WWOX: variants seen among roughly 807,000 people sequenced by gnomAD.
WWOX encodes the protein WW domain containing oxidoreductase, also known as WW domain-containing oxidoreductase.
Under a neutral mutation model 46.2 loss-of-function variants are expected in WWOX, and 69 were observed. That is an observed-to-expected ratio of 1.49 (90% CI 1.23 to 1.82). The LOEUF (loss-of-function observed/expected upper bound fraction) is 1.82, where lower values mean the gene tolerates loss of function less well. WWOX is among the 40% of genes most tolerant of loss of function. The pLI is 0.00. For missense variants in WWOX, 919 were observed against 542.6 expected (o/e 1.69, Z -6.89); for synonymous variants, 359 against 202.6 (o/e 1.77, Z -6.56).
chr16:78,595,897 T>C (rs954308229), intron 8 of WWOX, among the ~76,000 whole-genome samples: 16 of 152,326 alleles, frequency 1.1e-4, no homozygotes, highest in African/African-American at 3.6e-4. Context: ...TTATTTTTGC[T>C]ATCTAAAATA....
At chr16:78,962,701 A>T (rs769251290) in intron 8 of WWOX, among the ~76,000 whole-genome samples, 2 of 152,154 alleles carry the variant, frequency 1.3e-5, no homozygotes, top group South Asian at 4.1e-4. Context: ...GTACAGTTCA[A>T]TGAACTCATA....
chr16:79,130,703 T>G (rs145132506), intron 8 of WWOX, among the ~76,000 whole-genome samples: 257 of 152,352 alleles, frequency 1.7e-3, no homozygotes, highest in African/African-American at 5.6e-3. Flanking sequence ...CCTAATGAAG[T>G]GCTGCGGTAC....
At chr16:78,848,877 A>G (rs2052367509) in intron 8 of WWOX, among the ~76,000 whole-genome samples, 1 of 151,542 alleles carries the variant, frequency 6.6e-6, no homozygotes, top group Non-Finnish European at 1.5e-5. Context: ...CGAAAAATCT[A>G]TTTAGCCCAG....
At chr16:78,629,503 T>TC (rs2046380024) in intron 8 of WWOX, among the ~76,000 whole-genome samples, 1 of 152,200 alleles carries the variant, frequency 6.6e-6, no homozygotes, top group Non-Finnish European at 1.5e-5. Flanking sequence ...TACTTGCCAC[T>TC]CCCTGCTTAA....
At chr16:78,513,768 T>C (rs2085419916) in intron 8 of WWOX, among the ~76,000 whole-genome samples, 1 of 152,130 alleles carries the variant, frequency 6.6e-6, no homozygotes, top group Admixed American at 6.5e-5. Context: ...GGGGAGCGAA[T>C]AGTATTTTCC....
At chr16:79,064,712 G>T (rs1234342199) in intron 8 of WWOX, among the ~76,000 whole-genome samples, 2 of 152,220 alleles carry the variant, frequency 1.3e-5, no homozygotes, top group African/African-American at 4.8e-5. Context: ...AGCCCTGAGG[G>T]AGGAGTGTAC....
At chr16:78,584,857 G>A (rs138366857) in intron 8 of WWOX, among the ~76,000 whole-genome samples, 2 of 152,148 alleles carry the variant, frequency 1.3e-5, no homozygotes, top group African/African-American at 2.4e-5. Context: ...TGTGCACGTC[G>A]GTGCGTGTAA....
intron 8 of WWOX, chr16:78,825,229 AG>A: frequency 4.6e-6 from 1 of 218,244 alleles, no homozygotes; most frequent in Non-Finnish European, 9.3e-6. Flanking sequence ...TGCTCTAGTG[AG>A]ATCTAAGAGA....
chr16:78,572,161 A>G (rs2044731507), intron 8 of WWOX, among the ~76,000 whole-genome samples: 1 of 152,240 alleles, frequency 6.6e-6, no homozygotes, highest in Non-Finnish European at 1.5e-5. Flanking sequence ...CAAGAACCTG[A>G]AAGTCCTCCA....
chr16:78,266,788 TTCTCTC>T (rs60393431), intron 5 of WWOX, among the ~76,000 whole-genome samples: 2,884 of 115,608 alleles, frequency 0.025, 73 homozygotes, highest in South Asian at 0.064. Flanking sequence ...TATTCTTCTA[TTCTCTC>T]TCTCTCTCTC....
rs139386938 is a variant in WWOX, at chr16:79,116,303, C to G, written c.1057-95305C>G. Among the ~76,000 whole-genome samples, 25 of 152,300 alleles carry G rather than the reference C, an allele frequency of 1.6e-4. No individual in the cohort carries two copies. In the East Asian group the frequency reaches 4.6e-3, roughly 28 times the overall value. On this transcript the variant is annotated intron_variant, in intron 8 of 8. Coordinates refer to ENST00000566780, the MANE Select transcript of WWOX (RefSeq NM_016373.4). ...ACTCTTCCTTTTACAAAAGGATTCT[C>G]TGTAGCATGCACTGCCGTTTGACAT...
At chr16:78,792,982 C>A (rs1280044332) in intron 8 of WWOX, among the ~76,000 whole-genome samples, 1 of 152,194 alleles carries the variant, frequency 6.6e-6, no homozygotes, top group African/African-American at 2.4e-5. Flanking sequence ...CGTTGGTGCT[C>A]AAGTGATACC....
intron 8 of WWOX, among the ~76,000 whole-genome samples, chr16:79,007,315 A>C (rs573983203): frequency 1.3e-5 from 2 of 152,316 alleles, no homozygotes; most frequent in South Asian, 2.1e-4. Flanking sequence ...CCCCTGAGAA[A>C]CTCTAAAACA....
rs191921269 is a variant in WWOX, at chr16:78,913,302, G to C, written c.1057-298306G>C. On this transcript the variant is annotated intron_variant, in intron 8 of 8. Transcript: ENST00000566780. ...CAAGCCCGTTTTTTGCCTCTTCCTG[G>C]TTCATGGTTAGACTGCATTTTTGAG... Among the ~76,000 whole-genome samples the C allele has an allele frequency of 1.2e-4, 19 of 152,010 alleles. 2 individuals are homozygous for C. The highest frequency in any genetic ancestry group is 5.9e-4 in the Admixed American group (9 of 15,254).
At chr16:78,293,955 C>A (rs1342239315) in intron 5 of WWOX, among the ~76,000 whole-genome samples, 1 of 114,268 alleles carries the variant, frequency 8.8e-6, no homozygotes, top group African/African-American at 3.4e-5. Context: ...CTAGCCTGGG[C>A]GACAGAGTGA....
chr16:78,140,218 C>T (rs1026767776), intron 4 of WWOX, among the ~76,000 whole-genome samples: 8 of 152,062 alleles, frequency 5.3e-5, no homozygotes, highest in Non-Finnish European at 8.8e-5. Flanking sequence ...GAGAGGTGCC[C>T]GATACAGTCC....
At chr16:79,129,933 T>A (rs1288214123) in intron 8 of WWOX, among the ~76,000 whole-genome samples, 3 of 152,166 alleles carry the variant, frequency 2.0e-5, no homozygotes, top group South Asian at 2.1e-4. Context: ...CTTTGGTAGG[T>A]CCCTTTACCA....
intron 8 of WWOX, among the ~76,000 whole-genome samples, chr16:78,546,394 G>A (rs1431777761): frequency 6.6e-6 from 1 of 152,104 alleles, no homozygotes; most frequent in Non-Finnish European, 1.5e-5. Flanking sequence ...GACTTGAAAG[G>A]CAGCCCACAT....
intron 8 of WWOX, among the ~76,000 whole-genome samples, chr16:78,894,933 T>A (rs749156101): frequency 6.6e-6 from 1 of 152,152 alleles, no homozygotes; most frequent in Non-Finnish European, 1.5e-5. Flanking sequence ...CTAATTCTTA[T>A]TACGATAGTT....
Sources: allele counts gnomAD v4.1 joint callset (sites outside exome capture counted in the v4.1 genomes callset), GRCh38; gene constraint gnomAD v4.1.1; transcripts MANE v1.5; gene names NCBI Gene and HGNC (gene_info 2026-07-23, HGNC 2026-07-21).